SERINC5: variants seen among roughly 807,000 people sequenced by gnomAD.
The protein encoded by SERINC5 is serine incorporator 5.
A neutral mutation model predicts 63.1 loss-of-function variants in SERINC5; 41 were observed. The ratio of observed to expected loss-of-function variants is 0.65; its 90% CI spans 0.51 to 0.84. The LOEUF is 0.84. Ranked by LOEUF, SERINC5 falls within the 40% of genes least tolerant of loss-of-function variation. The pLI, the probability that SERINC5 is intolerant of heterozygous loss-of-function variation, is 0.00. For synonymous variants in SERINC5, 222 were observed against 215.2 expected, an observed-to-expected ratio of 1.03 and a Z score of -0.28; for missense variants, 523 against 573.0, an observed-to-expected ratio of 0.91 and a Z score of 0.89.
chr5:80,207,247 T>C (rs1309578631), intron 1 of SERINC5, among the ~76,000 whole-genome samples: 1 of 152,166 alleles, frequency 6.6e-6, no homozygotes. Context: ...ATCCGCCGTC[T>C]CGGCCTCCCA....
intron 1 of SERINC5, among the ~76,000 whole-genome samples, chr5:80,251,648 T>A (rs1381085803): frequency 6.6e-6 from 1 of 150,758 alleles, no homozygotes; most frequent in African/African-American, 2.4e-5. Context: ...GAGAATCGCT[T>A]GGACCCGGGA....
At chr5:80,143,845 A>G (rs1745659671) in intron 11 of SERINC5, 35 bp from the exon 12 acceptor site, 2 of 1,534,362 alleles carry the variant, frequency 1.3e-6, no homozygotes, top group South Asian at 2.4e-5. Context: ...CGGTCAAAGC[A>G]GGAATATATT....
rs536040806 is a variant in SERINC5, at chr5:80,164,496, C to T, written c.859+1887G>A. On this transcript the variant is annotated intron_variant, in intron 7 of 11. Coordinates refer to ENST00000507668, the MANE Select transcript of SERINC5 (RefSeq NM_001174072.3). ...TCTGGGGCTCCAGTGATCCTCCCAC[C>T]TCAGCCTCCAGAGTAGCTGGGACTA... is the stretch of plus-strand genomic sequence containing the variant. Among the ~76,000 whole-genome samples, 4 of 152,266 alleles carry T rather than the reference C, an allele frequency of 2.6e-5. No homozygotes were observed. In the South Asian group the frequency reaches 8.3e-4, roughly 32 times the overall value.
chr5:80,246,529 A>T (rs142892556), intron 1 of SERINC5, among the ~76,000 whole-genome samples: 26 of 152,190 alleles, frequency 1.7e-4, no homozygotes, highest in African/African-American at 6.3e-4. Flanking sequence ...TATATACTGT[A>T]ACCTTACTTC....
chr5:80,142,795 T>A lies in SERINC5; in HGVS notation c.*868A>T. ...TTCAGTTAAGGTCCTAAAAGTATTATCATTATCAACAGCACAAACAAGTAA... is the reference window on the plus strand; with the variant it reads ...TTCAGTTAAGGTCCTAAAAGTATTAACATTATCAACAGCACAAACAAGTAA... On this transcript the variant is annotated 3_prime_UTR_variant, in exon 12 of 12. Coordinates refer to ENST00000507668, the MANE Select transcript of SERINC5 (RefSeq NM_001174072.3). The A allele has an allele frequency of 1.0e-6, 1 of 985,456 alleles. No homozygotes were observed. Among genetic ancestry groups the A allele is most frequent in the Non-Finnish European group, 1.2e-6 (1 of 829,936 alleles). The allele number at this position is 985,456 out of a possible 1,614,324, so 61.0% of individuals were successfully genotyped here. A position where few individuals can be genotyped will look rare whatever the true frequency, so the allele number is the denominator to read the frequency against.
chr5:80,144,305 T>C (rs558767872), intron 11 of SERINC5, among the ~76,000 whole-genome samples: 9 of 152,236 alleles, frequency 5.9e-5, no homozygotes, highest in Non-Finnish European at 1.3e-4. Flanking sequence ...CCAATGATGC[T>C]TGTATGAACA....
In SERINC5 at chr5:80,143,764, T is replaced by A; in HGVS notation, c.1285A>T (p.Ile429Phe). Residue 429 changes from isoleucine (I) to phenylalanine (F), a missense_variant, in exon 12 of 12, where the codon ATC becomes TTC. Physicochemically the swap from Ile to Phe is conservative, Grantham distance 21. Transcript: ENST00000507668. ...CAGGAGGCCATCTTGACCCAGAAGA[T>A]GGACCAGCTCCCGCTGAAGAAGCTC... ...IESFFSGSWS[I>F]FWVKMASCWI... The A allele has an allele frequency of 6.5e-7, 1 of 1,536,130 alleles. No individual in the cohort carries two copies. The highest frequency in any genetic ancestry group is 8.7e-7 in the Non-Finnish European group (1 of 1,146,880).
intron 7 of SERINC5, among the ~76,000 whole-genome samples, chr5:80,162,226 T>A (rs1187481492): frequency 0.011 from 1 of 94 alleles, no homozygotes; most frequent in African/African-American, 0.031. Flanking sequence ...ATACAAATTT[T>A]AGGATGTTTT....
intron 1 of SERINC5, among the ~76,000 whole-genome samples, chr5:80,246,838 G>A (rs762923662): frequency 4.6e-5 from 7 of 152,262 alleles, no homozygotes; most frequent in Middle Eastern, 6.8e-3. Flanking sequence ...CACTGTAAAT[G>A]TTTTAAAATA....
chr5:80,134,087 T>C (rs1026389386), downstream of SERINC5, among the ~76,000 whole-genome samples: 2 of 152,240 alleles, frequency 1.3e-5, no homozygotes, highest in African/African-American at 4.8e-5. Flanking sequence ...TAAACCACAA[T>C]TTCTAATCTT....
rs901140400 is a variant in SERINC5 at position 80,150,715 on chromosome 5, C to T, written c.1053+167G>A. 3.9e-5 allele frequency among the ~76,000 whole-genome samples: 6 copies of T among 152,278 alleles called. No individual in the cohort carries two copies. The East Asian group carries it at 7.7e-4, about 20-fold the overall frequency. ...ACTCCCAAAGTGCTGGGATTACAGG[C>T]GTGAGCCACCACACCCGGCCAGCAT... On this transcript the variant is annotated intron_variant, in intron 9 of 11. Transcript: ENST00000507668.
intron 1 of SERINC5, among the ~76,000 whole-genome samples, chr5:80,206,912 G>A (rs1008344284): frequency 1.3e-5 from 2 of 150,250 alleles, no homozygotes; most frequent in Non-Finnish European, 3.0e-5. Flanking sequence ...GCCTTAGCTG[G>A]GACTACAAGC....
intron 1 of SERINC5, among the ~76,000 whole-genome samples, chr5:80,226,737 T>A (rs1203535446): frequency 1.3e-5 from 2 of 152,204 alleles, no homozygotes; most frequent in African/African-American, 4.8e-5. Flanking sequence ...ATAATTTTTT[T>A]AAATAATAGG....
intron 2 of SERINC5, among the ~76,000 whole-genome samples, chr5:80,193,579 C>G (rs1296406306): frequency 6.6e-6 from 1 of 152,212 alleles, no homozygotes; most frequent in Admixed American, 6.5e-5. Context: ...TCCTCACAGA[C>G]CAAGGACAGT....
rs1011507634 is a variant in SERINC5 at position 80,139,721 on chromosome 5, C to G, written c.*3942G>C. On this transcript the variant is annotated 3_prime_UTR_variant, in exon 12 of 12. Coordinates refer to ENST00000507668, the MANE Select transcript of SERINC5 (RefSeq NM_001174072.3). Reference sequence around the variant, plus strand: ...CAAAACTAAGTTAACTAGCAAGTTACAGGAAATAGCCTTCAGTAAATTCCA... The same window carrying G: ...CAAAACTAAGTTAACTAGCAAGTTAGAGGAAATAGCCTTCAGTAAATTCCA... 2 of 985,290 alleles carry G rather than the reference C, an allele frequency of 2.0e-6. No individual in the cohort carries two copies. Among genetic ancestry groups the G allele is most frequent in the East Asian group, 1.1e-4 (1 of 8,826 alleles). 61.0% of individuals were successfully genotyped at this position (985,290 alleles called of 1,614,324 possible).
chr5:80,126,658 A>T (rs1309669814), intron 11 of SERINC5, among the ~76,000 whole-genome samples: 2 of 152,220 alleles, frequency 1.3e-5, no homozygotes, highest in Admixed American at 1.3e-4. Context: ...CTACCATTCC[A>T]ATATTAAAAA....
At chr5:80,194,856 C>G (rs1238868473) in intron 2 of SERINC5, among the ~76,000 whole-genome samples, 1 of 152,162 alleles carries the variant, frequency 6.6e-6, no homozygotes, top group Admixed American at 6.5e-5. Flanking sequence ...AGGCGACCAG[C>G]AGCCCTGGGT....
intron 2 of SERINC5, among the ~76,000 whole-genome samples, chr5:80,178,741 T>TA (rs1356948883): frequency 6.6e-6 from 1 of 151,738 alleles, no homozygotes. Context: ...TATATACAAA[T>TA]AAAAAATCAG....
chr5:80,158,051 T>C (rs571210613), intron 8 of SERINC5: 6 of 152,314 alleles, frequency 3.9e-5, no homozygotes, highest in South Asian at 2.1e-4. Flanking sequence ...TTCAATGGAA[T>C]TGAATTTTTA....
Sources: gnomAD v4.1 joint callset for allele counts (sites outside exome capture counted in the v4.1 genomes callset) on GRCh38, gnomAD v4.1.1 for gene constraint, MANE v1.5 for transcripts, NCBI Gene and HGNC (gene_info 2026-07-23, HGNC 2026-07-21) for gene names.